The following FYB1 variants were observed in gnomAD, a reference collection of about 807,000 sequenced individuals.
The protein encoded by FYB1 is FYN-binding protein 1.
A neutral mutation model predicts 94.1 loss-of-function variants in FYB1; 41 were observed. The ratio of observed to expected loss-of-function variants is 0.44; its 90% confidence interval spans 0.34 to 0.57. The LOEUF (loss-of-function observed/expected upper bound fraction) is 0.57. FYB1 is among the 20% of genes least tolerant of loss of function. The probability of loss-of-function intolerance (pLI) is 0.02; values close to 1 mark genes in which losing one functional copy is unlikely to be tolerated. For synonymous variants in FYB1, 367 were observed against 353.2 expected (o/e 1.04, Z -0.44); for missense variants, 1,050 against 976.8 (o/e 1.07, Z -1.00).
intron 3 of FYB1, among the ~76,000 whole-genome samples, chr5:39,142,759 T>A (rs1399192165): frequency 6.6e-6 from 1 of 152,214 alleles, no homozygotes; most frequent in Non-Finnish European, 1.5e-5. Context: ...ATCTTTCCCC[T>A]ATTGCCACTT....
chr5:39,140,660 C>G (rs1742090592), intron 4 of FYB1, among the ~76,000 whole-genome samples: 1 of 152,104 alleles, frequency 6.6e-6, no homozygotes, highest in South Asian at 2.1e-4. Flanking sequence ...TTTGTGGTAC[C>G]AGTGAGTTTG....
At chr5:39,272,461 G>A (rs1041666489) in intron 1 of FYB1, among the ~76,000 whole-genome samples, 2 of 151,280 alleles carry the variant, frequency 1.3e-5, no homozygotes, top group Non-Finnish European at 2.9e-5. Flanking sequence ...TCAGGAGATC[G>A]AAACCATCCT....
chr5:39,252,069 C>A (rs978653456), intron 1 of FYB1, among the ~76,000 whole-genome samples: 2 of 152,042 alleles, frequency 1.3e-5, no homozygotes, highest in Non-Finnish European at 2.9e-5. Context: ...GGCGTGAACA[C>A]GGGAGGCGGA....
chr5:39,261,151 G>A (rs1337158763), intron 1 of FYB1, among the ~76,000 whole-genome samples: 2 of 151,814 alleles, frequency 1.3e-5, no homozygotes, highest in Non-Finnish European at 2.9e-5. Context: ...ACAGGGAGGG[G>A]AACAACACAC....
rs528833853 is a variant in FYB1 at position 39,141,088 on chromosome 5, C to T, written c.1339+7G>A. On this transcript the variant is annotated splice_region_variant and intron_variant, in intron 4 of 18. Coordinates refer to ENST00000512982, the MANE Select transcript of FYB1 (RefSeq NM_001465.6). ...ATAAATAAATAAAATATGTTTTTGT[C>T]GTTTACCATCAGAGTGCGTGACACC... The T allele has an allele frequency of 2.2e-5, 35 of 1,566,018 alleles. No individual in the cohort carries two copies. In the South Asian group the frequency reaches 2.3e-4, roughly 10 times the overall value.
intron 1 of FYB1, among the ~76,000 whole-genome samples, chr5:39,215,702 T>A (rs984624998): frequency 1.3e-5 from 2 of 152,322 alleles, no homozygotes; most frequent in South Asian, 4.1e-4. Flanking sequence ...GTGGCAAGGA[T>A]TGGGGCACCT....
chr5:39,108,260 T>A lies in FYB1; in HGVS notation c.2438A>T (p.Asp813Val). Residue 813 changes from aspartate to valine, a missense_variant and splice_region_variant, in exon 18 of 19, where the codon GAT becomes GTT. Coordinates refer to ENST00000512982, the MANE Select transcript of FYB1 (RefSeq NM_001465.6). ...YVLRSYLADN[D>V]GEIYDDIADG... ...AGCAATATCATCATAGATCTCTCCA[T>A]CACTGTAAATGTAAAAAAAAATTTT... The A allele has an allele frequency of 2.0e-6, 3 of 1,527,056 alleles. No individual in the cohort carries two copies. In the South Asian group the frequency reaches 3.6e-5, roughly 19 times the overall value. 94.6% of individuals were successfully genotyped at this position (1,527,056 alleles called of 1,614,324 possible). A position where few individuals can be genotyped will look rare whatever the true frequency, so the allele number is the denominator to read the frequency against.
chr5:39,152,312 C>T (rs114559358), intron 3 of FYB1, among the ~76,000 whole-genome samples: 1,947 of 152,170 alleles, frequency 0.013, 46 homozygotes, highest in African/African-American at 0.044. Context: ...TTTTCCATGA[C>T]GAATATGTTT....
intron 2 of FYB1, among the ~76,000 whole-genome samples, chr5:39,191,304 C>G (rs2150460111): frequency 6.6e-6 from 1 of 152,320 alleles, no homozygotes; most frequent in East Asian, 1.9e-4. Flanking sequence ...CATAGACCTA[C>G]TGCCACCCCT....
intron 1 of FYB1, among the ~76,000 whole-genome samples, chr5:39,259,499 C>T (rs1752126554): frequency 6.6e-6 from 1 of 152,094 alleles, no homozygotes; most frequent in Admixed American, 6.5e-5. Context: ...GGAGTGAAGG[C>T]AGGTAGAAAG....
chr5:39,129,404 G>T (rs1194198304), intron 10 of FYB1, among the ~76,000 whole-genome samples: 1 of 152,048 alleles, frequency 6.6e-6, no homozygotes, highest in Non-Finnish European at 1.5e-5. Context: ...TCTAGGTAGA[G>T]ATTTCATGAC....
intron 2 of FYB1, chr5:39,169,323 T>C (rs1461767838): frequency 1.3e-5 from 10 of 776,780 alleles, no homozygotes; most frequent in Non-Finnish European, 2.1e-5. Context: ...TGCTATGGGG[T>C]ATCTTTGGAG....
At chr5:39,175,381 T>C (rs557181523) in intron 2 of FYB1, among the ~76,000 whole-genome samples, 1 of 152,284 alleles carries the variant, frequency 6.6e-6, no homozygotes, top group Non-Finnish European at 1.5e-5. Context: ...CATTGTTGGA[T>C]TGAGTTGACA....
intron 1 of FYB1, among the ~76,000 whole-genome samples, chr5:39,226,711 T>C (rs910013333): frequency 1.3e-5 from 2 of 152,270 alleles, no homozygotes; most frequent in South Asian, 4.1e-4. Flanking sequence ...GAATAGTAGT[T>C]CTCAAACTTT....
chr5:39,247,009 G>A (rs1751503274), intron 1 of FYB1, among the ~76,000 whole-genome samples: 1 of 145,214 alleles, frequency 6.9e-6, no homozygotes, highest in Admixed American at 7.0e-5. Flanking sequence ...TACCTATCTT[G>A]TAGGATTATG....
chr5:39,157,868 T>C (rs1019842032), intron 2 of FYB1, among the ~76,000 whole-genome samples: 1 of 152,142 alleles, frequency 6.6e-6, no homozygotes, highest in Admixed American at 6.5e-5. Flanking sequence ...TGCAGGATGG[T>C]TCAGCAGCAA....
chr5:39,193,950 A>C (rs776305394), intron 2 of FYB1, among the ~76,000 whole-genome samples: 8 of 152,234 alleles, frequency 5.3e-5, no homozygotes, highest in Non-Finnish European at 1.2e-4. Flanking sequence ...GAACTTGCAG[A>C]TGCACTTGTC....
At chr5:39,203,578 A>C (rs180888320) in intron 1 of FYB1, among the ~76,000 whole-genome samples, 1 of 152,174 alleles carries the variant, frequency 6.6e-6, no homozygotes, top group East Asian at 1.9e-4. Context: ...TTTTATAAGT[A>C]AGTAATAAAA....
chr5:39,132,282 G>C (rs1286203367), intron 9 of FYB1, among the ~76,000 whole-genome samples: 4 of 152,122 alleles, frequency 2.6e-5, no homozygotes, highest in Non-Finnish European at 5.9e-5. Context: ...TTCTTGCCAG[G>C]GCAAGCTGCC....
Sources: gnomAD v4.1 joint callset for allele counts (sites outside exome capture counted in the v4.1 genomes callset) on GRCh38, gnomAD v4.1.1 for gene constraint, MANE v1.5 for transcripts, NCBI Gene and HGNC (gene_info 2026-07-23, HGNC 2026-07-21) for gene names.